TCF20: variants seen among roughly 807,000 people sequenced by gnomAD.
TCF20 encodes the protein transcription factor 20.
Under a neutral mutation model 148.6 loss-of-function variants are expected in TCF20, and 3 were observed. That is an observed-to-expected ratio of 0.02 (90% CI 0.01 to 0.05). The LOEUF is 0.05. TCF20 is among the 10% of genes least tolerant of loss of function. The pLI, the probability that TCF20 is intolerant of heterozygous loss-of-function variation, is 1.00. For missense variants in TCF20, 2,350 were observed against 2,429.3 expected, an observed-to-expected ratio of 0.97 and a Z score of 0.69; for synonymous variants, 1,049 against 909.5, an observed-to-expected ratio of 1.15 and a Z score of -2.76.
chr22:42,250,158 G>A (rs1925244880), intron 1 of TCF20, among the ~76,000 whole-genome samples: 2 of 152,088 alleles, frequency 1.3e-5, no homozygotes, highest in South Asian at 4.1e-4. Flanking sequence ...AGTTGAAACT[G>A]GCCAGGCACG....
At chr22:42,247,658 C>G (rs941482963) in intron 1 of TCF20, among the ~76,000 whole-genome samples, 3 of 152,006 alleles carry the variant, frequency 2.0e-5, no homozygotes, top group Admixed American at 1.3e-4. Flanking sequence ...GAAAAGGATA[C>G]GACAAGAGCT....
chr22:42,283,424 C>A (rs953651296), intron 1 of TCF20, among the ~76,000 whole-genome samples: 1 of 151,876 alleles, frequency 6.6e-6, no homozygotes, highest in Non-Finnish European at 1.5e-5. Context: ...CCGGAGGGGA[C>A]GGGGGCGGGC....
intron 1 of TCF20, among the ~76,000 whole-genome samples, chr22:42,248,278 T>G (rs551939210): frequency 1.2e-4 from 19 of 152,322 alleles, no homozygotes; most frequent in African/African-American, 4.3e-4. Flanking sequence ...CATTTTACAC[T>G]AAAAGGGAGA....
In TCF20 at chr22:42,209,891, C is replaced by A. The variant is rs145913152; in HGVS notation, c.5415G>T (p.Gly1805=). 2.5e-6 allele frequency: 4 copies of A among 1,614,010 alleles called. No individual in the cohort carries two copies. Among genetic ancestry groups the A allele is most frequent in the Non-Finnish European group, 3.4e-6 (4 of 1,180,018 alleles). ...CAGTGGCTGCTTTTTTACAAGGGAGCCCCCTGGACAGGGACCGAGGGCCTC... is the reference window on the plus strand; with the variant it reads ...CAGTGGCTGCTTTTTTACAAGGGAGACCCCTGGACAGGGACCGAGGGCCTC... ...CGGGPRSLSR[G]LPCKKAATEG... is the part of the protein sequence containing the mutation. Residue 1805 remains glycine (G), a synonymous_variant, in exon 2 of 6, where the codon GGG becomes GGT. Transcript: ENST00000677622.
chr22:42,271,915 T>A (rs1011229767), upstream of TCF20, among the ~76,000 whole-genome samples: 6 of 152,134 alleles, frequency 3.9e-5, no homozygotes, highest in Admixed American at 1.3e-4. Context: ...TTTTTGACCT[T>A]TCACCCCACC....
chr22:42,213,558 G>A lies in TCF20; in HGVS notation c.1748C>T (p.Ser583Leu), dbSNP rs1217517946. The part of the protein sequence containing the change: ...ASPAAREEAT[S>L]PGAKDMPLSS... ...CAATGGCATGTCCTTAGCGCCTGGT[G>A]AGGTGGCCTCTTCTCTTGCGGCAGG... The change falls in exon 2 of 6, where the codon TCA (serine) becomes TTA (leucine). Residue 583 changes from serine to leucine, a missense_variant. Ser to Leu is a moderately radical substitution (Grantham distance 145). Around this residue, in one of 7 missense-constraint regions of TCF20, gnomAD observed 1,641 missense variants for 1,662.6 expected, o/e 0.99. Transcript: ENST00000677622. 3.1e-6 allele frequency: 5 copies of A among 1,614,196 alleles called. No individual in the cohort carries two copies. Among genetic ancestry groups the A allele is most frequent in the Non-Finnish European group, 2.5e-6 (3 of 1,180,044 alleles).
At chr22:42,190,327 G>A (rs1424591358) in intron 2 of TCF20, among the ~76,000 whole-genome samples, 1 of 152,160 alleles carries the variant, frequency 6.6e-6, no homozygotes, top group African/African-American at 2.4e-5. Flanking sequence ...TGGGTGTGTT[G>A]GCACTCCCTG....
At chr22:42,223,087 T>A (rs1922529539) in intron 1 of TCF20, among the ~76,000 whole-genome samples, 1 of 152,172 alleles carries the variant, frequency 6.6e-6, no homozygotes, top group South Asian at 2.1e-4. Flanking sequence ...AGGCAGAGGT[T>A]GCAGTGAGCC....
At chr22:42,207,821 AG>A (rs1938491973) in intron 2 of TCF20, among the ~76,000 whole-genome samples, 1 of 152,178 alleles carries the variant, frequency 6.6e-6, no homozygotes, top group South Asian at 2.1e-4. Context: ...ATCTCAATAA[AG>A]AAAAAAAAAT....
Position 42,279,874 on chromosome 22 carries a change from G to GC in TCF20, c.-37+3952dup, listed in dbSNP as rs1481530792. Among the ~76,000 whole-genome samples, 2 of 152,162 alleles carry GC rather than the reference G, an allele frequency of 1.3e-5. No individual in the cohort carries two copies. The highest frequency in any genetic ancestry group is 2.9e-5 in the Non-Finnish European group (2 of 68,030). On this transcript the variant is annotated intron_variant, in intron 1 of 5. Coordinates refer to the TCF20 transcript ENST00000359486. The surrounding 1 kb of genome is among the most constrained non-coding windows in gnomAD (Gnocchi z 4.3). Reference sequence around the variant, plus strand: ...CAAAGCCATGTGTGGGCTGGATGTGGCTCCCCAGCCCCGTAGACACCACCC... The same window carrying GC: ...CAAAGCCATGTGTGGGCTGGATGTGGCCTCCCCAGCCCCGTAGACACCACCC...
intron 1 of TCF20, among the ~76,000 whole-genome samples, chr22:42,327,811 A>C (rs1225151236): frequency 6.7e-6 from 1 of 150,122 alleles, no homozygotes; most frequent in African/African-American, 2.5e-5. Context: ...GGCCCAGCTC[A>C]TCAGGCACCA....
intron 2 of TCF20, among the ~76,000 whole-genome samples, chr22:42,191,216 A>C (rs1937317246): frequency 6.6e-6 from 1 of 152,224 alleles, no homozygotes; most frequent in Non-Finnish European, 1.5e-5. Flanking sequence ...ATAACTCAGA[A>C]GGCCAACACA....
intron 1 of TCF20, among the ~76,000 whole-genome samples, chr22:42,268,595 G>T (rs1926419674): frequency 6.6e-6 from 1 of 152,144 alleles, no homozygotes; most frequent in South Asian, 2.1e-4. Flanking sequence ...ATAAAATCTG[G>T]ATCCTCCAAA....
chr22:42,263,152 T>C (rs1329810182), intron 1 of TCF20, among the ~76,000 whole-genome samples: 2 of 152,208 alleles, frequency 1.3e-5, no homozygotes, highest in African/African-American at 4.8e-5. Flanking sequence ...CAAAAGTCAC[T>C]GATAGCAAGT....
At chr22:42,186,372 A>G (rs542024962) in intron 2 of TCF20, among the ~76,000 whole-genome samples, 14 of 152,350 alleles carry the variant, frequency 9.2e-5, no homozygotes, top group Admixed American at 1.3e-4. Flanking sequence ...AATAACCATA[A>G]AAGTGTTTTA....
chr22:42,199,667 C>T (rs1001118165), intron 2 of TCF20, among the ~76,000 whole-genome samples: 1 of 125,130 alleles, frequency 8.0e-6, no homozygotes, highest in Non-Finnish European at 1.6e-5. Flanking sequence ...GTCAGCAGTT[C>T]GAGACCAGAC....
In TCF20 at chr22:42,321,098, G is replaced by A. The variant is rs149725168; in HGVS notation, c.-37+22381C>T. Among the ~76,000 whole-genome samples the A allele has an allele frequency of 4.9e-3, 745 of 152,344 alleles. 7 individuals are homozygous for A. The highest frequency in any genetic ancestry group is 0.024 in the Middle Eastern group (7 of 294). ...TTCCCCAAGCAACTGTAAAAGCCGCGCGCAAGCAATTCAGGAGCAAGGGCT... is the reference window on the plus strand; with the variant it reads ...TTCCCCAAGCAACTGTAAAAGCCGCACGCAAGCAATTCAGGAGCAAGGGCT... On this transcript the variant is annotated intron_variant, in intron 1 of 1. Transcript: ENST00000515426.
At chr22:42,272,583 G>C (rs1046875618), upstream of TCF20, among the ~76,000 whole-genome samples, 1 of 152,180 alleles carries the variant, frequency 6.6e-6, no homozygotes, top group Non-Finnish European at 1.5e-5. Context: ...CCAGGCGCCT[G>C]TCAGCTCCTG....
chr22:42,180,569 C>G (rs564297079), intron 2 of TCF20, among the ~76,000 whole-genome samples: 1 of 152,302 alleles, frequency 6.6e-6, no homozygotes, highest in South Asian at 2.1e-4. Context: ...ACCAGCAAGA[C>G]TAGCTGGAAG....
Sources: allele counts gnomAD v4.1 joint callset (sites outside exome capture counted in the v4.1 genomes callset), GRCh38; gene constraint gnomAD v4.1.1; regional missense constraint gnomAD v4.1.1; non-coding constraint Gnocchi (gnomAD v3.1); transcripts MANE v1.5; gene names NCBI Gene and HGNC (gene_info 2026-07-23, HGNC 2026-07-21).